Variants in PRRX1 observed in about 807,000 individuals in gnomAD.
The protein encoded by PRRX1 is paired mesoderm homeobox protein 1.
Under a neutral mutation model 24.0 loss-of-function variants are expected in PRRX1, and 8 were observed. The ratio of observed to expected loss-of-function variants is 0.33; its 90% CI spans 0.20 to 0.60. The LOEUF (loss-of-function observed/expected upper bound fraction) is 0.60, where lower values mean the gene tolerates loss of function less well. Among genes scored for constraint, PRRX1 ranks in the 20% least tolerant of loss-of-function variants. PRRX1 has a pLI of 0.82. For missense variants in PRRX1, 281 were observed against 322.4 expected, an observed-to-expected ratio of 0.87 and a Z score of 0.98; for synonymous variants, 160 against 131.7, an observed-to-expected ratio of 1.22 and a Z score of -1.47.
At chr1:170,665,313 C>G (rs554372258) in intron 1 of PRRX1, among the ~76,000 whole-genome samples, 1 of 152,194 alleles carries the variant, frequency 6.6e-6, no homozygotes, top group Non-Finnish European at 1.5e-5. Flanking sequence ...CCATCCTCAC[C>G]GACCAACCTC....
intron 1 of PRRX1, among the ~76,000 whole-genome samples, chr1:170,683,427 A>G (rs1653622490): frequency 1.3e-5 from 2 of 152,178 alleles, no homozygotes; most frequent in African/African-American, 2.4e-5. Context: ...CCTGCCCTGG[A>G]GGACTGACCT....
At chr1:170,670,726 T>C (rs977170183) in intron 1 of PRRX1, among the ~76,000 whole-genome samples, 6 of 152,110 alleles carry the variant, frequency 3.9e-5, no homozygotes, top group African/African-American at 1.4e-4. Flanking sequence ...TTTAGGGCCA[T>C]GTTAGCGTAG....
chr1:170,683,584 T>G (rs1371894426), intron 1 of PRRX1, among the ~76,000 whole-genome samples: 1 of 152,170 alleles, frequency 6.6e-6, no homozygotes, highest in Non-Finnish European at 1.5e-5. Context: ...GTTGGTTGTG[T>G]GCAGTGGGGT....
chr1:170,728,519 G>A (rs1658404952), intron 3 of PRRX1: 1 of 152,110 alleles, frequency 6.6e-6, no homozygotes, highest in African/African-American at 2.4e-5. Context: ...TTCACTTAAA[G>A]TCATATGACC....
chr1:170,683,897 A>G (rs553087234), intron 1 of PRRX1, among the ~76,000 whole-genome samples: 89 of 152,348 alleles, frequency 5.8e-4, no homozygotes, highest in African/African-American at 2.1e-3. Context: ...TCTTTTCTCC[A>G]AGCAAACAAT....
rs1655673350 is a variant in PRRX1, at chr1:170,737,845, G to C, written c.*1659G>C. The C allele has an allele frequency of 4.7e-6, 1 of 214,812 alleles. No homozygotes were observed. Among genetic ancestry groups the C allele is most frequent in the African/African-American group, 2.3e-5 (1 of 44,190 alleles). 13.3% of individuals were successfully genotyped at this position (214,812 alleles called of 1,614,324 possible). Reference sequence around the variant, plus strand: ...GGGTGTTGTGAGGCTCTATTCATTTGCTCCTTTATTCTTTCCTGTATTCTC... The same window carrying C: ...GGGTGTTGTGAGGCTCTATTCATTTCCTCCTTTATTCTTTCCTGTATTCTC... On this transcript the variant is annotated 3_prime_UTR_variant, in exon 4 of 4. Coordinates refer to ENST00000239461, the MANE Select transcript of PRRX1 (RefSeq NM_022716.4).
intron 1 of PRRX1, among the ~76,000 whole-genome samples, chr1:170,704,939 C>T (rs1268485141): frequency 1.3e-5 from 2 of 152,176 alleles, no homozygotes; most frequent in African/African-American, 2.4e-5. Context: ...AGAAACTGCT[C>T]TTCTAGAGGG....
chr1:170,670,886 C>T (rs1354259302), intron 1 of PRRX1, among the ~76,000 whole-genome samples: 1 of 152,104 alleles, frequency 6.6e-6, no homozygotes, highest in Non-Finnish European at 1.5e-5. Context: ...TCTGTTCCCG[C>T]GGTTCTCAGA....
chr1:170,736,286 T>TACAA lies in PRRX1; in HGVS notation c.*114_*117dup, dbSNP rs550156212. 5.4e-6 allele frequency: 8 copies of TACAA among 1,487,708 alleles called. No homozygotes were observed. The highest frequency in any genetic ancestry group is 4.8e-5 in the East Asian group (2 of 42,092). The allele number at this position is 1,487,708 out of a possible 1,614,324, so 92.2% of individuals were successfully genotyped here. On this transcript the variant is annotated 3_prime_UTR_variant, in exon 4 of 4. Coordinates refer to ENST00000239461, the MANE Select transcript of PRRX1 (RefSeq NM_022716.4). ...CATCTGCTGGGGGGAAAAAGTAAAT[T>TACAA]ACAAACAAACAAACAAAGCAGAACT... is the stretch of plus-strand genomic sequence containing the variant.
At chr1:170,678,290 A>AT (rs916710109) in intron 1 of PRRX1, among the ~76,000 whole-genome samples, 4 of 152,128 alleles carry the variant, frequency 2.6e-5, no homozygotes, top group African/African-American at 7.2e-5. Context: ...CCAGGACTCT[A>AT]TTTTTTTGCC....
At chr1:170,675,182 G>T (rs1266687073) in intron 1 of PRRX1, among the ~76,000 whole-genome samples, 1 of 152,194 alleles carries the variant, frequency 6.6e-6, no homozygotes, top group African/African-American at 2.4e-5. Flanking sequence ...TACATTTTCA[G>T]CAGTAAAGTC....
intron 3 of PRRX1, 66 bp from the exon 4 acceptor site, chr1:170,735,982 C>T (rs1034296443): frequency 4.4e-6 from 7 of 1,599,400 alleles, no homozygotes; most frequent in African/African-American, 4.0e-5. Flanking sequence ...CCATCTGGGG[C>T]ACAGACTTGC....
intron 1 of PRRX1, among the ~76,000 whole-genome samples, chr1:170,717,448 A>C (rs1467708231): frequency 6.6e-6 from 1 of 152,236 alleles, no homozygotes; most frequent in East Asian, 1.9e-4. Flanking sequence ...AACATAAAAG[A>C]TTTATAATTT....
intron 3 of PRRX1, chr1:170,728,648 T>C (rs937307354): frequency 1.3e-5 from 2 of 152,190 alleles, no homozygotes; most frequent in Non-Finnish European, 2.9e-5. Context: ...GAAGAATAAA[T>C]TAATCTTCAG....
intron 2 of PRRX1, among the ~76,000 whole-genome samples, chr1:170,721,311 A>G (rs1655077760): frequency 6.6e-6 from 1 of 152,178 alleles, no homozygotes; most frequent in South Asian, 2.1e-4. Context: ...TTGTTTGTAT[A>G]TCTATGTTCA....
chr1:170,694,897 A>G, intron 1 of PRRX1, among the ~76,000 whole-genome samples: 1 of 152,184 alleles, frequency 6.6e-6, no homozygotes, highest in Non-Finnish European at 1.5e-5. Context: ...CTTAAGAATT[A>G]AGAGGAGGCT....
Position 170,719,873 on chromosome 1 carries a change from G to A in PRRX1, c.389G>A (p.Arg130Gln), listed in dbSNP as rs747075971. The change falls in exon 2 of 4, where the codon CGG (arginine) becomes CAG (glutamine). Residue 130 changes from arginine to glutamine, a missense_variant. By Grantham distance (43) the Arg-to-Gln change is conservative. Coordinates refer to ENST00000239461, the MANE Select transcript of PRRX1 (RefSeq NM_022716.4). ...DAFVREDLARRVNLTEARVQV... is the reference protein window; with the variant it reads ...DAFVREDLARQVNLTEARVQV... Reference sequence around the variant, plus strand: ...TTTGTGCGAGAAGACCTTGCCCGCCGGGTGAACCTCACCGAGGCGAGAGTG... The same window carrying A: ...TTTGTGCGAGAAGACCTTGCCCGCCAGGTGAACCTCACCGAGGCGAGAGTG... 1.4e-5 allele frequency: 22 copies of A among 1,613,972 alleles called. No individual in the cohort carries two copies. The highest frequency in any genetic ancestry group is 2.7e-5 in the African/African-American group (2 of 74,918).
At position 170,736,270 on chromosome 1, in the gene PRRX1, G is replaced by C; in HGVS notation, c.*84G>C. On this transcript the variant is annotated 3_prime_UTR_variant, in exon 4 of 4. Coordinates refer to ENST00000239461, the MANE Select transcript of PRRX1 (RefSeq NM_022716.4). The stretch of plus-strand genomic sequence containing the variant: ...TGCTCTGTTATTTCTTCATCTGCTG[G>C]GGGGAAAAAGTAAATTACAAACAAA... 1 of 1,540,174 alleles carries C rather than the reference G, an allele frequency of 6.5e-7. No individual in the cohort carries two copies. Among genetic ancestry groups the C allele is most frequent in the South Asian group, 1.1e-5 (1 of 87,094 alleles).
chr1:170,679,451 G>C (rs563515972), intron 1 of PRRX1, among the ~76,000 whole-genome samples: 80 of 152,170 alleles, frequency 5.3e-4, no homozygotes, highest in Non-Finnish European at 9.9e-4. Context: ...CCAGGCTGGA[G>C]TGCAGTGGCA....
Sources: allele counts gnomAD v4.1 joint callset (sites outside exome capture counted in the v4.1 genomes callset), GRCh38; gene constraint gnomAD v4.1.1; transcripts MANE v1.5; gene names NCBI Gene and HGNC (gene_info 2026-07-23, HGNC 2026-07-21).